KIAA1328: variants seen among roughly 807,000 people sequenced by gnomAD.
KIAA1328 encodes the protein KIAA1328.
KIAA1328 carries 52 observed loss-of-function variants against 68.1 expected under a neutral mutation model. That is an observed-to-expected ratio of 0.76 (90% CI 0.61 to 0.96). KIAA1328 has a LOEUF of 0.96. KIAA1328 is among the 40% of genes least tolerant of loss of function. KIAA1328 has a pLI of 0.00. For synonymous variants in KIAA1328, 232 were observed against 239.4 expected (o/e 0.97, Z 0.28); for missense variants, 641 against 677.6 (o/e 0.95, Z 0.60).
chr18:36,922,664 C>G (rs1167986343), intron 5 of KIAA1328, among the ~76,000 whole-genome samples: 1 of 152,052 alleles, frequency 6.6e-6, no homozygotes, highest in Non-Finnish European at 1.5e-5. Flanking sequence ...TAGACCTGGA[C>G]AGATAATTTT....
intron 6 of KIAA1328, among the ~76,000 whole-genome samples, chr18:37,033,075 G>A (rs1036969904): frequency 1.1e-4 from 17 of 152,122 alleles, no homozygotes; most frequent in African/African-American, 3.9e-4. Flanking sequence ...TGTGCTTGAT[G>A]TTGCATGCGT....
intron 3 of KIAA1328, among the ~76,000 whole-genome samples, chr18:36,836,610 C>CT (rs967808914): frequency 5.3e-5 from 8 of 151,882 alleles, no homozygotes; most frequent in African/African-American, 1.9e-4. Context: ...AGTCAACTCT[C>CT]TTTTTTTTCA....
chr18:36,863,653 G>A (rs545935564), intron 4 of KIAA1328, among the ~76,000 whole-genome samples: 1 of 152,184 alleles, frequency 6.6e-6, no homozygotes, highest in South Asian at 2.1e-4. Context: ...TATGAACATG[G>A]TATGTTGCTC....
At chr18:36,902,648 A>G (rs1598652777) in intron 5 of KIAA1328, among the ~76,000 whole-genome samples, 1 of 152,220 alleles carries the variant, frequency 6.6e-6, no homozygotes, top group East Asian at 1.9e-4. Flanking sequence ...TATCCATAAG[A>G]TATCAAACAA....
At chr18:37,014,995 C>T (rs377248015) in intron 6 of KIAA1328, among the ~76,000 whole-genome samples, 2 of 152,122 alleles carry the variant, frequency 1.3e-5, no homozygotes, top group South Asian at 2.1e-4. Context: ...TTCTGCCTCC[C>T]GGGTTCAAGT....
At chr18:37,083,682 C>CT (rs930133447) in intron 7 of KIAA1328, among the ~76,000 whole-genome samples, 1 of 152,136 alleles carries the variant, frequency 6.6e-6, no homozygotes, top group Non-Finnish European at 1.5e-5. Context: ...AGCTGTACCC[C>CT]TAATTCTTTG....
intron 4 of KIAA1328, among the ~76,000 whole-genome samples, chr18:36,844,575 A>G (rs1220268743): frequency 6.6e-6 from 1 of 152,000 alleles, no homozygotes; most frequent in Non-Finnish European, 1.5e-5. Context: ...TATTGAGGGA[A>G]GTTTTAGAAA....
At chr18:37,089,420 G>A (rs1158063103) in intron 7 of KIAA1328, among the ~76,000 whole-genome samples, 26 of 142,588 alleles carry the variant, frequency 1.8e-4, no homozygotes, top group Non-Finnish European at 2.5e-4. Flanking sequence ...TGTCACCCGG[G>A]CTGGAGTGCA....
intron 4 of KIAA1328, among the ~76,000 whole-genome samples, chr18:36,866,112 C>G (rs1442918349): frequency 6.6e-6 from 1 of 152,194 alleles, no homozygotes; most frequent in East Asian, 1.9e-4. Flanking sequence ...GTACCCACTA[C>G]CAACTCCTGC....
At chr18:36,906,602 A>C (rs2049231980) in intron 5 of KIAA1328, among the ~76,000 whole-genome samples, 1 of 152,018 alleles carries the variant, frequency 6.6e-6, no homozygotes, top group Non-Finnish European at 1.5e-5. Flanking sequence ...ATTAATTTTT[A>C]ATTTTTGTGG....
At chr18:37,001,870 C>T (rs1410862976) in intron 6 of KIAA1328, among the ~76,000 whole-genome samples, 1 of 152,104 alleles carries the variant, frequency 6.6e-6, no homozygotes, top group Non-Finnish European at 1.5e-5. Flanking sequence ...TAATGAAGAT[C>T]ATGTATGACA....
chr18:37,062,445 GT>G (rs529526063), intron 6 of KIAA1328, among the ~76,000 whole-genome samples: 143 of 144,420 alleles, frequency 9.9e-4, no homozygotes, highest in Non-Finnish European at 1.4e-3. Flanking sequence ...TTTTTGTTTT[GT>G]TTTTTGTTTT....
intron 5 of KIAA1328, chr18:36,902,370 G>C (rs1395746835): frequency 1.3e-5 from 2 of 151,746 alleles, no homozygotes. Flanking sequence ...TTCTTTTTCT[G>C]GAAAAAAGTT....
At chr18:36,925,405 C>T (rs1261256056) in intron 5 of KIAA1328, among the ~76,000 whole-genome samples, 1 of 152,164 alleles carries the variant, frequency 6.6e-6, no homozygotes, top group African/African-American at 2.4e-5. Context: ...AATTGAATAC[C>T]TTCTTCCTGG....
chr18:37,081,880 G>A (rs2056960016), intron 7 of KIAA1328, among the ~76,000 whole-genome samples: 2 of 151,976 alleles, frequency 1.3e-5, no homozygotes, highest in South Asian at 2.1e-4. Flanking sequence ...AAATTTCTGG[G>A]TCTGGTTTCT....
intron 5 of KIAA1328, among the ~76,000 whole-genome samples, chr18:36,949,597 T>G (rs7233854): frequency 1.7e-5 from 1 of 57,360 alleles, no homozygotes. Flanking sequence ...TCTACCCAGC[T>G]CCCCCCCCCC....
chr18:37,225,860 C>A (rs1289630360), downstream of KIAA1328, among the ~76,000 whole-genome samples: 1 of 152,162 alleles, frequency 6.6e-6, no homozygotes. Context: ...GACTTCGCAC[C>A]TGCCCCTCAG....
chr18:36,901,022 G>A (rs1404386633), intron 5 of KIAA1328, among the ~76,000 whole-genome samples: 2 of 152,066 alleles, frequency 1.3e-5, no homozygotes, highest in African/African-American at 4.8e-5. Context: ...TACCTGACTA[G>A]GTTTGGTTTT....
Position 37,093,215 on chromosome 18 carries a change from C to T in KIAA1328, c.1232+25670C>T, listed in dbSNP as rs1310202083. ...ACTGTTACACTGGATGCACAGATAT[C>T]AATATAAGGACACAAGAAATGTGAA... On this transcript the variant is annotated intron_variant, in intron 7 of 9. Transcript: ENST00000280020. Among the ~76,000 whole-genome samples, 3 of 152,090 alleles carry T rather than the reference C, an allele frequency of 2.0e-5. No homozygotes were observed. In the East Asian group the frequency reaches 5.8e-4, roughly 29 times the overall value.
Sources: allele counts gnomAD v4.1 joint callset (sites outside exome capture counted in the v4.1 genomes callset), GRCh38; gene constraint gnomAD v4.1.1; transcripts MANE v1.5; gene names NCBI Gene and HGNC (gene_info 2026-07-23, HGNC 2026-07-21).